The following ARL15 variants were observed in gnomAD, a reference collection of about 807,000 sequenced individuals.
ARL15 encodes the protein ARF like GTPase 15, also known as ADP-ribosylation factor-like protein 15.
ARL15 carries 19 observed loss-of-function variants against 25.2 expected under a neutral mutation model. The observed-to-expected ratio is 0.75, with a 90% CI of 0.53 to 1.10. The LOEUF (loss-of-function observed/expected upper bound fraction) is 1.10. Among genes scored for constraint, ARL15 ranks in the 50% least tolerant of loss-of-function variants. The probability of loss-of-function intolerance (pLI) is 0.00; values close to 1 mark genes in which losing one functional copy is unlikely to be tolerated. For synonymous variants in ARL15, 94 were observed against 86.8 expected, an observed-to-expected ratio of 1.08 and a Z score of -0.46; for missense variants, 220 against 246.0, an observed-to-expected ratio of 0.89 and a Z score of 0.71.
intron 1 of ARL15, among the ~76,000 whole-genome samples, chr5:54,188,480 T>C (rs1755300310): frequency 6.6e-6 from 1 of 152,180 alleles, no homozygotes; most frequent in Non-Finnish European, 1.5e-5. Flanking sequence ...TCTTTGACTT[T>C]AGTGTTAACA....
intron 3 of ARL15, among the ~76,000 whole-genome samples, chr5:54,147,732 T>C (rs776922108): frequency 3.3e-5 from 5 of 152,198 alleles, no homozygotes; most frequent in Non-Finnish European, 7.3e-5. Context: ...GAATAGCAAG[T>C]TGCTTTCTCC....
At chr5:54,054,108 A>G (rs906043989) in intron 4 of ARL15, among the ~76,000 whole-genome samples, 1 of 152,150 alleles carries the variant, frequency 6.6e-6, no homozygotes, top group Admixed American at 6.5e-5. Flanking sequence ...AGAAACTAGA[A>G]TATTATCTGT....
chr5:54,150,789 C>A (rs1466685813), intron 3 of ARL15, among the ~76,000 whole-genome samples: 1 of 149,702 alleles, frequency 6.7e-6, no homozygotes, highest in African/African-American at 2.5e-5. Flanking sequence ...CGGAGCAAGA[C>A]TCTGTCTCAA....
At chr5:53,978,666 T>C (rs1228365324) in intron 4 of ARL15, among the ~76,000 whole-genome samples, 1 of 138,538 alleles carries the variant, frequency 7.2e-6, no homozygotes, top group Non-Finnish European at 1.6e-5. Context: ...AAAAGAAGCA[T>C]CACAGCAGGC....
At chr5:54,089,528 AG>A (rs1752070185) in intron 4 of ARL15, among the ~76,000 whole-genome samples, 1 of 152,190 alleles carries the variant, frequency 6.6e-6, no homozygotes, top group Non-Finnish European at 1.5e-5. Flanking sequence ...TTTATAAAAA[AG>A]TTTTTTACCT....
intron 4 of ARL15, among the ~76,000 whole-genome samples, chr5:54,069,834 T>C (rs1007113381): frequency 6.6e-6 from 1 of 151,118 alleles, no homozygotes; most frequent in African/African-American, 2.4e-5. Context: ...CCACCACATC[T>C]AGCTAATTTT....
At chr5:53,983,082 C>T (rs1327447423) in intron 4 of ARL15, among the ~76,000 whole-genome samples, 1 of 152,012 alleles carries the variant, frequency 6.6e-6, no homozygotes, top group Non-Finnish European at 1.5e-5. Context: ...ATGTAAACTG[C>T]CAGTCATGGA....
chr5:54,080,583 T>C (rs992746102), intron 4 of ARL15, among the ~76,000 whole-genome samples: 1 of 152,214 alleles, frequency 6.6e-6, no homozygotes, highest in Non-Finnish European at 1.5e-5. Context: ...TAACTTCATC[T>C]GAAATAATAA....
chr5:53,925,464 T>G (rs1432247667), intron 4 of ARL15, among the ~76,000 whole-genome samples: 2 of 152,188 alleles, frequency 1.3e-5, no homozygotes, highest in East Asian at 3.9e-4. Flanking sequence ...CCCAAAGTGC[T>G]GGGATTATAG....
At chr5:54,262,103 AT>A (rs1376883586) in intron 1 of ARL15, among the ~76,000 whole-genome samples, 2 of 152,126 alleles carry the variant, frequency 1.3e-5, no homozygotes, top group African/African-American at 4.8e-5. Flanking sequence ...AACCTCTCTC[AT>A]TTAAGAAGTC....
intron 1 of ARL15, among the ~76,000 whole-genome samples, chr5:54,249,733 G>C (rs1027516202): frequency 6.7e-6 from 1 of 149,828 alleles, no homozygotes; most frequent in Non-Finnish European, 1.5e-5. Context: ...TCAATCCCTA[G>C]TTGTCTGAGG....
chr5:54,186,931 C>T (rs1158752326), intron 1 of ARL15, among the ~76,000 whole-genome samples: 1 of 149,656 alleles, frequency 6.7e-6, no homozygotes, highest in East Asian at 2.0e-4. Flanking sequence ...TCTTAAACTA[C>T]CAGGAAAATA....
chr5:54,013,306 G>T (rs187673938), intron 4 of ARL15, among the ~76,000 whole-genome samples: 63 of 152,324 alleles, frequency 4.1e-4, no homozygotes, highest in African/African-American at 1.4e-3. Context: ...GATTATGACA[G>T]TGAGAGAAGT....
chr5:54,263,148 A>T (rs895417246), intron 1 of ARL15, among the ~76,000 whole-genome samples: 2 of 151,754 alleles, frequency 1.3e-5, no homozygotes, highest in Non-Finnish European at 2.9e-5. Flanking sequence ...TTTTTTTTTT[A>T]AAGTATAATC....
At chr5:54,062,459 G>C (rs1488152997) in intron 4 of ARL15, among the ~76,000 whole-genome samples, 1 of 150,502 alleles carries the variant, frequency 6.6e-6, no homozygotes, top group African/African-American at 2.4e-5. Flanking sequence ...ATGAAGGCCA[G>C]TCTTTCCTGC....
chr5:54,291,373 C>T (rs900584179), intron 1 of ARL15, among the ~76,000 whole-genome samples: 10 of 152,218 alleles, frequency 6.6e-5, no homozygotes, highest in African/African-American at 1.4e-4. Context: ...GTAACCTACA[C>T]ATATCCACCT....
chr5:54,274,113 G>A (rs1401669629), intron 1 of ARL15, among the ~76,000 whole-genome samples: 1 of 152,126 alleles, frequency 6.6e-6, no homozygotes, highest in Non-Finnish European at 1.5e-5. Context: ...GCTGTAGATT[G>A]AGTCTAGTTC....
chr5:54,028,929 G>C (rs551789891), intron 4 of ARL15, among the ~76,000 whole-genome samples: 1 of 152,266 alleles, frequency 6.6e-6, no homozygotes, highest in East Asian at 1.9e-4. Flanking sequence ...AGCTGAGATG[G>C]GAGGATGGCC....
chr5:54,208,246 G>A (rs1755927288), intron 1 of ARL15, among the ~76,000 whole-genome samples: 1 of 152,062 alleles, frequency 6.6e-6, no homozygotes, highest in African/African-American at 2.4e-5. Context: ...AGCTTCAAAT[G>A]CCCCACTTTT....
Sources: gnomAD v4.1 joint callset for allele counts (sites outside exome capture counted in the v4.1 genomes callset) on GRCh38, gnomAD v4.1.1 for gene constraint, MANE v1.5 for transcripts, NCBI Gene and HGNC (gene_info 2026-07-23, HGNC 2026-07-21) for gene names.